The following SAMD12 variants were observed in gnomAD, a reference collection of about 807,000 sequenced individuals.
SAMD12 encodes the protein sterile alpha motif domain-containing protein 12.
In SAMD12, 9 loss-of-function variants were observed where a neutral mutation model predicts 15.0. The observed-to-expected ratio is 0.60, with a 90% CI of 0.36 to 1.05. The LOEUF is 1.05. Ranked by LOEUF, SAMD12 falls within the 50% of genes least tolerant of loss-of-function variation. The pLI is 0.01. For missense variants in SAMD12, 230 were observed against 234.2 expected (o/e 0.98, Z 0.12); for synonymous variants, 86 against 90.1 (o/e 0.96, Z 0.25).
chr8:118,549,769 A>G (rs1413300901), intron 2 of SAMD12, among the ~76,000 whole-genome samples: 1 of 152,250 alleles, frequency 6.6e-6, no homozygotes, highest in Non-Finnish European at 1.5e-5. Flanking sequence ...TAAAGAAGTT[A>G]AAAACTTTGA....
At position 118,378,950 on chromosome 8, in the gene SAMD12, C is replaced by G; in HGVS notation, c.*467G>C. ...AGTGTAGTTTTAGATTCACTATAGT[C>G]TATTATAAAAATTATTCCACTTTCA... On this transcript the variant is annotated 3_prime_UTR_variant, in exon 4 of 4. Coordinates refer to ENST00000314727, the MANE Select transcript of SAMD12 (RefSeq NM_207506.3). 1.1e-6 allele frequency: 1 copy of G among 948,780 alleles called. No homozygotes were observed. The highest frequency in any genetic ancestry group is 1.3e-6 in the Non-Finnish European group (1 of 794,314). 58.8% of individuals were successfully genotyped at this position (948,780 alleles called of 1,614,324 possible). A position where few individuals can be genotyped will look rare whatever the true frequency, so the allele number is the denominator to read the frequency against.
chr8:118,420,258 G>A (rs564714966), intron 3 of SAMD12, among the ~76,000 whole-genome samples: 2 of 152,242 alleles, frequency 1.3e-5, no homozygotes, highest in South Asian at 2.1e-4. Context: ...GAAGGTTTGT[G>A]GTGCTATGTT....
chr8:118,562,789 G>A (rs975587301), intron 2 of SAMD12, among the ~76,000 whole-genome samples: 5 of 152,184 alleles, frequency 3.3e-5, no homozygotes, highest in Admixed American at 2.0e-4. Flanking sequence ...GGCCAAAGGA[G>A]AAAGCAAATT....
rs1482688666 is a variant in SAMD12, at chr8:118,580,753, T to C, written c.154A>G (p.Thr52Ala). Residue 52 changes from threonine to alanine, a missense_variant, in exon 2 of 4, where the codon ACT (threonine) becomes GCT (alanine). By Grantham distance (58) the Thr-to-Ala change is moderately conservative. Transcript: ENST00000314727. ...NFQKVPDQKG[T>A]PKRLQAEAET... Reference sequence around the variant, plus strand: ...GCTTCTGCCTGCAGTCGCTTGGGAGTTCCTTTCTGGTCAGGCACCTTCTGG... The same window carrying C: ...GCTTCTGCCTGCAGTCGCTTGGGAGCTCCTTTCTGGTCAGGCACCTTCTGG... The C allele has an allele frequency of 1.2e-6, 2 of 1,613,054 alleles. No individual in the cohort carries two copies. Among genetic ancestry groups the C allele is most frequent in the Non-Finnish European group, 1.7e-6 (2 of 1,179,380 alleles).
chr8:118,586,094 T>A (rs894128158), intron 1 of SAMD12, among the ~76,000 whole-genome samples: 3 of 152,142 alleles, frequency 2.0e-5, no homozygotes, highest in African/African-American at 7.2e-5. Context: ...CAGTTGCCCC[T>A]CAGAATGAGC....
At chr8:118,284,645 AAAG>A in intron 4 of SAMD12, 1 of 227,818 alleles carries the variant, frequency 4.4e-6, no homozygotes, top group Non-Finnish European at 8.8e-6. Context: ...GGAGAATCTT[AAAG>A]AAGCAGTGAA....
Position 118,302,918 on chromosome 8 carries a change from G to C in SAMD12, c.433+76642C>G, listed in dbSNP as rs184186736. Among the ~76,000 whole-genome samples, 981 of 152,230 alleles carry C rather than the reference G, an allele frequency of 6.4e-3. 7 individuals are homozygous for C. The highest frequency in any genetic ancestry group is 7.8e-3 in the Non-Finnish European group (533 of 68,002). Reference sequence around the variant, plus strand: ...AAATTCTCATATATCTTTTCTCCCAGCATATATTAAATCAAAGTGCAACTA... The same window carrying C: ...AAATTCTCATATATCTTTTCTCCCACCATATATTAAATCAAAGTGCAACTA... On this transcript the variant is annotated intron_variant, in intron 4 of 4. Coordinates refer to the SAMD12 transcript ENST00000409003.
At chr8:118,511,198 AATTT>A (rs1346104286) in intron 2 of SAMD12, among the ~76,000 whole-genome samples, 2 of 152,220 alleles carry the variant, frequency 1.3e-5, no homozygotes, top group African/African-American at 4.8e-5. Flanking sequence ...TGCAGAGATT[AATTT>A]AATTTGGTTA....
intron 3 of SAMD12, among the ~76,000 whole-genome samples, chr8:118,415,361 G>A (rs549985580): frequency 1.3e-5 from 2 of 151,914 alleles, no homozygotes; most frequent in South Asian, 4.2e-4. Context: ...ACCACCATGC[G>A]AACCCTGTTG....
At chr8:118,298,302 T>C (rs1476605122) in intron 4 of SAMD12, among the ~76,000 whole-genome samples, 3 of 152,234 alleles carry the variant, frequency 2.0e-5, no homozygotes, top group Admixed American at 2.0e-4. Flanking sequence ...AAGATGTGTT[T>C]ACCCTTGCAT....
intron 3 of SAMD12, among the ~76,000 whole-genome samples, chr8:118,400,112 C>T (rs749797897): frequency 4.6e-5 from 7 of 152,152 alleles, no homozygotes; most frequent in Non-Finnish European, 8.8e-5. Flanking sequence ...TCATAAATAC[C>T]TATGTATGTA....
chr8:118,269,194 T>TTCTCTCTCTCTCTCTC (rs762035151), intron 4 of SAMD12, among the ~76,000 whole-genome samples: 3 of 138,490 alleles, frequency 2.2e-5, no homozygotes, highest in African/African-American at 8.7e-5. Context: ...TTTGCTTTTG[T>TTCTCTCTCTCTCTCTC]TCTCTCTCTC....
chr8:118,522,070 G>T (rs1376851267), intron 2 of SAMD12, among the ~76,000 whole-genome samples: 1 of 151,886 alleles, frequency 6.6e-6, no homozygotes, highest in Admixed American at 6.6e-5. Flanking sequence ...GTGAGCTCTT[G>T]GGGGTGAGAA....
chr8:118,440,313 T>C (rs1420447752), intron 2 of SAMD12, among the ~76,000 whole-genome samples: 4 of 152,194 alleles, frequency 2.6e-5, no homozygotes, highest in African/African-American at 9.7e-5. Context: ...TGCCTTTCTC[T>C]GTATTCCAAG....
chr8:118,435,249 A>G (rs1586714552), intron 3 of SAMD12, among the ~76,000 whole-genome samples: 1 of 152,288 alleles, frequency 6.6e-6, no homozygotes, highest in East Asian at 1.9e-4. Context: ...GTACAATATG[A>G]TATTTCAAGA....
At chr8:118,218,977 G>A (rs1812024541) in intron 4 of SAMD12, among the ~76,000 whole-genome samples, 1 of 152,176 alleles carries the variant, frequency 6.6e-6, no homozygotes, top group African/African-American at 2.4e-5. Context: ...AAAATTGGCA[G>A]TTGTAACATC....
intron 4 of SAMD12, among the ~76,000 whole-genome samples, chr8:118,229,018 T>C (rs1025384185): frequency 9.2e-5 from 14 of 152,160 alleles, no homozygotes; most frequent in Non-Finnish European, 1.9e-4. Flanking sequence ...ACTATTATTC[T>C]AAGTGAAGTA....
intron 4 of SAMD12, among the ~76,000 whole-genome samples, chr8:118,198,400 C>T (rs1037735479): frequency 2.0e-5 from 3 of 152,070 alleles, no homozygotes. Context: ...CTAAAGTTCC[C>T]GTTATTTTAT....
intron 4 of SAMD12, among the ~76,000 whole-genome samples, chr8:118,320,927 G>A (rs1816216359): frequency 6.7e-6 from 1 of 148,682 alleles, no homozygotes; most frequent in Non-Finnish European, 1.5e-5. Context: ...AGTGATGAGT[G>A]CAAACAAATG....
Sources: gnomAD v4.1 joint callset for allele counts (sites outside exome capture counted in the v4.1 genomes callset) on GRCh38, gnomAD v4.1.1 for gene constraint, MANE v1.5 for transcripts, NCBI Gene and HGNC (gene_info 2026-07-23, HGNC 2026-07-21) for gene names.